GALNT17: variants seen among roughly 807,000 people sequenced by gnomAD.
The protein encoded by GALNT17 is UDP-GalNAc:polypeptide N-acetylgalactosaminyltransferase-like 3.
In GALNT17, 29 loss-of-function variants were observed where a neutral mutation model predicts 63.7. The ratio of observed to expected loss-of-function variants is 0.46; its 90% CI spans 0.34 to 0.62. The LOEUF is 0.62. GALNT17 is among the 20% of genes least tolerant of loss of function. The pLI is 0.01. For missense variants in GALNT17, 603 were observed against 799.6 expected (o/e 0.75, Z 2.97); for synonymous variants, 305 against 318.3 (o/e 0.96, Z 0.45).
At chr7:71,371,930 A>G (rs1792631095) in intron 2 of GALNT17, among the ~76,000 whole-genome samples, 1 of 152,144 alleles carries the variant, frequency 6.6e-6, no homozygotes, top group South Asian at 2.1e-4. Context: ...TGCACTTGCC[A>G]GTTGGCTTGT....
Position 71,132,930 on chromosome 7 carries a change from G to C in GALNT17, c.128G>C (p.Arg43Pro), listed in dbSNP as rs1585826074. ...VRSGDAFHEI[R>P]PRAEVANLSA... ...AGCGGAGACGCCTTCCACGAGATCC[G>C]GCCGCGCGCCGAGGTGGCCAACCTC... The change falls in exon 1 of 11, where the codon CGG (arginine) becomes CCG (proline). Residue 43 changes from arginine to proline, a missense_variant. Around this residue, in one of 3 missense-constraint regions of GALNT17, gnomAD observed 195 missense variants for 215.0 expected, o/e 0.91. Transcript: ENST00000333538. 6.2e-7 allele frequency: 1 copy of C among 1,611,370 alleles called. No homozygotes were observed. Among genetic ancestry groups the C allele is most frequent in the South Asian group, 1.1e-5 (1 of 91,010 alleles).
At chr7:71,512,664 C>T (rs544809294) in intron 5 of GALNT17, among the ~76,000 whole-genome samples, 17 of 152,286 alleles carry the variant, frequency 1.1e-4, no homozygotes, top group African/African-American at 4.1e-4. Flanking sequence ...GCTCTCTGGT[C>T]CACCCCCTGG....
At chr7:71,189,509 A>C (rs1435042809) in intron 1 of GALNT17, among the ~76,000 whole-genome samples, 2 of 152,118 alleles carry the variant, frequency 1.3e-5, no homozygotes, top group Admixed American at 6.5e-5. Flanking sequence ...GCTGGTGTGC[A>C]GGTCTCAGTC....
intron 3 of GALNT17, among the ~76,000 whole-genome samples, chr7:71,390,215 C>T (rs1183751537): frequency 1.3e-5 from 2 of 152,158 alleles, no homozygotes; most frequent in Admixed American, 6.5e-5. Flanking sequence ...GCTGCTCCGT[C>T]GTCCGGAAGA....
intron 1 of GALNT17, among the ~76,000 whole-genome samples, chr7:71,292,529 A>T (rs192200872): frequency 3.1e-4 from 47 of 152,308 alleles, no homozygotes; most frequent in African/African-American, 1.1e-3. Flanking sequence ...ACATATAAAA[A>T]TTGTATATAT....
At chr7:71,624,245 G>T (rs1019142171) in intron 6 of GALNT17, among the ~76,000 whole-genome samples, 7 of 152,188 alleles carry the variant, frequency 4.6e-5, no homozygotes, top group Non-Finnish European at 1.0e-4. Flanking sequence ...GCTGTGCAGC[G>T]GCCATTATCT....
intron 3 of GALNT17, among the ~76,000 whole-genome samples, chr7:71,393,526 CG>C (rs1793086322): frequency 6.6e-6 from 1 of 151,980 alleles, no homozygotes. Context: ...CTTTTTCCCC[CG>C]AAGTGTAAAG....
In GALNT17 at chr7:71,199,277, C is replaced by T. The variant is rs187269265; in HGVS notation, c.238+66237C>T. Among the ~76,000 whole-genome samples, 91 of 152,242 alleles carry T rather than the reference C, an allele frequency of 6.0e-4. 1 individual carries two copies. The highest frequency in any genetic ancestry group is 9.9e-4 in the Non-Finnish European group (67 of 68,004). ...TTTTTCATGGGATGATTTTCCAGAT[C>T]TTTGGTTTGCTTTCCTGTTTGGCTT... On this transcript the variant is annotated intron_variant, in intron 1 of 10. Transcript: ENST00000333538.
chr7:71,327,622 G>C (rs2116043738), intron 1 of GALNT17, among the ~76,000 whole-genome samples: 1 of 152,206 alleles, frequency 6.6e-6, no homozygotes, highest in Non-Finnish European at 1.5e-5. Flanking sequence ...GCAGGAGACA[G>C]GTAGCACACT....
intron 2 of GALNT17, among the ~76,000 whole-genome samples, chr7:71,339,443 T>C (rs1791969554): frequency 6.6e-6 from 1 of 152,124 alleles, no homozygotes; most frequent in South Asian, 2.1e-4. Flanking sequence ...TCCTGGCACT[T>C]TGGGAGGCTA....
At chr7:71,394,614 T>A (rs1392873577) in intron 3 of GALNT17, among the ~76,000 whole-genome samples, 2 of 152,118 alleles carry the variant, frequency 1.3e-5, no homozygotes, top group African/African-American at 4.8e-5. Flanking sequence ...TCTTTGTAGC[T>A]CCATTGGTCC....
chr7:71,391,966 G>A (rs1793059814), intron 3 of GALNT17, among the ~76,000 whole-genome samples: 1 of 152,030 alleles, frequency 6.6e-6, no homozygotes, highest in African/African-American at 2.4e-5. Context: ...AGAGTGGTGG[G>A]GAGGTCCCAG....
rs894480211 is a variant in GALNT17 at position 71,297,058 on chromosome 7, C to T, written c.239-38492C>T. Reference sequence around the variant, plus strand: ...GAGAAGGCTTTTCTTATTGCTTAAGCCTTTTCTTAAGCACACCTCATTGCC... The same window carrying T: ...GAGAAGGCTTTTCTTATTGCTTAAGTCTTTTCTTAAGCACACCTCATTGCC... On this transcript the variant is annotated intron_variant, in intron 1 of 10. Transcript: ENST00000333538. Among the ~76,000 whole-genome samples, 6 of 152,182 alleles carry T rather than the reference C, an allele frequency of 3.9e-5. No homozygotes were observed. In the South Asian group the frequency reaches 1.2e-3, roughly 31 times the overall value.
chr7:71,504,434 G>A (rs1788232690), intron 5 of GALNT17, among the ~76,000 whole-genome samples: 1 of 151,868 alleles, frequency 6.6e-6, no homozygotes, highest in South Asian at 2.1e-4. Flanking sequence ...CTAAAAGAGG[G>A]TGACAAACAG....
chr7:71,495,339 A>T (rs903322657), intron 5 of GALNT17, among the ~76,000 whole-genome samples: 1 of 152,056 alleles, frequency 6.6e-6, no homozygotes, highest in African/African-American at 2.4e-5. Context: ...ATCAGAAGAC[A>T]AGCAAAGACA....
intron 3 of GALNT17, among the ~76,000 whole-genome samples, chr7:71,389,816 G>T (rs1381457599): frequency 6.6e-6 from 1 of 152,174 alleles, no homozygotes; most frequent in Non-Finnish European, 1.5e-5. Context: ...ATGATCTTAA[G>T]TAGAAGTGAG....
Position 71,473,212 on chromosome 7 carries a change from G to C in GALNT17, c.962+52107G>C, listed in dbSNP as rs940819589. Among the ~76,000 whole-genome samples the C allele has an allele frequency of 4.6e-5, 7 of 152,310 alleles. No individual in the cohort carries two copies. The South Asian group carries it at 1.2e-3, about 27-fold the overall frequency. On this transcript the variant is annotated intron_variant, in intron 5 of 10. Coordinates refer to ENST00000333538, the MANE Select transcript of GALNT17 (RefSeq NM_022479.3). ...TGCTTGAGTTAAGAAAAGGGGAGCT[G>C]TGGAGACCAAAGTTCTTGTTATGTA...
intron 6 of GALNT17, among the ~76,000 whole-genome samples, chr7:71,601,249 G>A (rs771284358): frequency 9.2e-5 from 14 of 152,088 alleles, no homozygotes; most frequent in Non-Finnish European, 1.6e-4. Flanking sequence ...AAACATGCAT[G>A]TGCAGGTATC....
At chr7:71,629,073 G>A (rs559060569) in intron 6 of GALNT17, among the ~76,000 whole-genome samples, 1 of 152,184 alleles carries the variant, frequency 6.6e-6, no homozygotes, top group Non-Finnish European at 1.5e-5. Context: ...TAGAAGAGGG[G>A]TCTAGAAGGG....
Sources: allele counts gnomAD v4.1 joint callset (sites outside exome capture counted in the v4.1 genomes callset), GRCh38; gene constraint gnomAD v4.1.1; regional missense constraint gnomAD v4.1.1; transcripts MANE v1.5; gene names NCBI Gene and HGNC (gene_info 2026-07-23, HGNC 2026-07-21).